Variants in TMEM71 observed in about 807,000 individuals in gnomAD.
TMEM71 encodes the protein transmembrane protein 71.
Under a neutral mutation model 38.0 loss-of-function variants are expected in TMEM71, and 44 were observed. That is an observed-to-expected ratio of 1.16 (90% CI 0.91 to 1.49). The LOEUF is 1.49. Among genes scored for constraint, TMEM71 ranks in the 40% most tolerant of loss-of-function variants. The pLI, the probability that TMEM71 is intolerant of heterozygous loss-of-function variation, is 0.00. For missense variants in TMEM71, 367 were observed against 348.6 expected (o/e 1.05, Z -0.42); for synonymous variants, 133 against 122.5 (o/e 1.09, Z -0.56).
chr8:132,768,345 T>C, the TMEM71 span, among the ~76,000 whole-genome samples: 2 of 151,700 alleles, frequency 1.3e-5, no homozygotes, highest in African/African-American at 4.9e-5. Flanking sequence ...TCTCTTTTAC[T>C]TTAAAAAATG....
chr8:132,744,542 T>C (rs1180729855), intron 5 of TMEM71, among the ~76,000 whole-genome samples: 1 of 152,074 alleles, frequency 6.6e-6, no homozygotes, highest in African/African-American at 2.4e-5. Context: ...GTGACACAAA[T>C]AAATGGAAAA....
At chr8:132,773,667 G>A in the TMEM71 span, among the ~76,000 whole-genome samples, 1 of 152,162 alleles carries the variant, frequency 6.6e-6, no homozygotes. Flanking sequence ...AGATGTGGGA[G>A]AAAAGTTTCC....
chr8:132,706,200 G>A (rs1563738433), downstream of TMEM71, among the ~76,000 whole-genome samples: 1 of 152,124 alleles, frequency 6.6e-6, no homozygotes, highest in Non-Finnish European at 1.5e-5. Flanking sequence ...TGTTGGGTAA[G>A]ACACTGAATC....
chr8:132,726,063 T>G (rs118050403), intron 6 of TMEM71, among the ~76,000 whole-genome samples: 1 of 152,166 alleles, frequency 6.6e-6, no homozygotes, highest in Non-Finnish European at 1.5e-5. Flanking sequence ...AATGACCTAG[T>G]GCTTATCTTT....
downstream of TMEM71, among the ~76,000 whole-genome samples, chr8:132,706,902 G>A (rs538048283): frequency 3.3e-5 from 5 of 152,184 alleles, no homozygotes; most frequent in South Asian, 1.0e-3. Context: ...TGTCACTCTT[G>A]ACAAAGAATA....
At position 132,717,365 on chromosome 8, in the gene TMEM71, T is replaced by C. The variant is rs534911556; in HGVS notation, c.753-3150A>G. ...TGAGAAGGGGTTAATATGCAGAATATATAAAGAATTATTTTAACTTAACAA... is the reference window on the plus strand; with the variant it reads ...TGAGAAGGGGTTAATATGCAGAATACATAAAGAATTATTTTAACTTAACAA... On this transcript the variant is annotated intron_variant, in intron 7 of 9. Transcript: ENST00000677595. Among the ~76,000 whole-genome samples, 30 of 152,356 alleles carry C rather than the reference T, an allele frequency of 2.0e-4. No homozygotes were observed. The South Asian group carries it at 6.0e-3, about 30-fold the overall frequency.
At chr8:132,722,206 C>CA in intron 6 of TMEM71, 91 bp from the exon 7 acceptor site, 2 of 828,324 alleles carry the variant, frequency 2.4e-6, no homozygotes, top group Non-Finnish European at 1.8e-6. Flanking sequence ...CCCTTGTACC[C>CA]ACCAAAAAAA....
At chr8:132,727,643 G>A (rs1827219916) in intron 6 of TMEM71, among the ~76,000 whole-genome samples, 155 bp downstream of exon 6, 1 of 152,124 alleles carries the variant, frequency 6.6e-6, no homozygotes, top group African/African-American at 2.4e-5. Flanking sequence ...CTCTGCAAAG[G>A]GTCACCTGGG....
rs572287009 is a variant in TMEM71 at position 132,718,522 on chromosome 8, C to T, written c.752+3518G>A. ...ACACCATTCTCCTGCCTCAGCCTCC[C>T]GAGTAGCTGGGACTACAGGTGCCCA... On this transcript the variant is annotated intron_variant, in intron 7 of 9. Coordinates refer to ENST00000677595, the MANE Select transcript of TMEM71 (RefSeq NM_001382403.1). Among the ~76,000 whole-genome samples the T allele has an allele frequency of 1.5e-4, 23 of 152,046 alleles. 1 individual carries two copies. The highest frequency in any genetic ancestry group is 5.1e-4 in the African/African-American group (21 of 41,464).
chr8:132,744,021 T>C (rs1473485496), intron 5 of TMEM71, among the ~76,000 whole-genome samples: 1 of 152,192 alleles, frequency 6.6e-6, no homozygotes, highest in African/African-American at 2.4e-5. Context: ...TTATATCATA[T>C]AATTTTTTTT....
intron 5 of TMEM71, among the ~76,000 whole-genome samples, chr8:132,737,023 C>T (rs1827787022): frequency 6.6e-6 from 1 of 151,998 alleles, no homozygotes; most frequent in Non-Finnish European, 1.5e-5. Context: ...CAAAATGAAA[C>T]AAAATAATGA....
intron 5 of TMEM71, among the ~76,000 whole-genome samples, chr8:132,737,462 C>T (rs770238831): frequency 1.3e-5 from 2 of 152,188 alleles, no homozygotes; most frequent in Non-Finnish European, 2.9e-5. Flanking sequence ...TCTTTTCTTT[C>T]ATAACACCAC....
chr8:132,756,494 G>A (rs1273875800), intron 3 of TMEM71, among the ~76,000 whole-genome samples: 3 of 141,518 alleles, frequency 2.1e-5, no homozygotes, highest in Non-Finnish European at 4.5e-5. Flanking sequence ...GCACCAAAAA[G>A]AAATAACCTT....
intron 5 of TMEM71, among the ~76,000 whole-genome samples, chr8:132,743,164 GT>G (rs1828143885): frequency 7.7e-6 from 1 of 129,724 alleles, no homozygotes; most frequent in Admixed American, 8.2e-5. Context: ...TTCCCCTCTT[GT>G]TGATAGGAGG....
intron 2 of TMEM71, 200 bp downstream of exon 2, chr8:132,758,640 A>C: frequency 1.9e-6 from 1 of 513,142 alleles, no homozygotes. Context: ...TTTTTCTACT[A>C]GAAGGAAAAA....
Position 132,710,860 on chromosome 8 carries a change from C to T in TMEM71, c.*107G>A, listed in dbSNP as rs760166194. 4.4e-5 allele frequency: 46 copies of T among 1,037,176 alleles called. No individual in the cohort carries two copies. The South Asian group carries it at 5.1e-4, about 12-fold the overall frequency. 64.2% of individuals were successfully genotyped at this position (1,037,176 alleles called of 1,614,324 possible). On this transcript the variant is annotated 3_prime_UTR_variant, in exon 10 of 10. Coordinates refer to ENST00000677595, the MANE Select transcript of TMEM71 (RefSeq NM_001382403.1). ...CTAAAATGGCTTTTTCTCCATTACT[C>T]GCTTACTCCCTTCCAATAAAACACT...
In TMEM71 at chr8:132,710,678, G is replaced by A; in HGVS notation, c.*289C>T. On this transcript the variant is annotated 3_prime_UTR_variant, in exon 10 of 10. Coordinates refer to ENST00000677595, the MANE Select transcript of TMEM71 (RefSeq NM_001382403.1). Reference sequence around the variant, plus strand: ...CCACTGCCTTAAAGAATCATAGGGGGACATTTATTCCAGGCGGTCTCTTTT... The same window carrying A: ...CCACTGCCTTAAAGAATCATAGGGGAACATTTATTCCAGGCGGTCTCTTTT... 1 of 540,886 alleles carries A rather than the reference G, an allele frequency of 1.8e-6. No individual in the cohort carries two copies. The highest frequency in any genetic ancestry group is 3.7e-5 in the Admixed American group (1 of 26,712). The allele number at this position is 540,886 out of a possible 1,614,324, so 33.5% of individuals were successfully genotyped here.
chr8:132,759,759 T>C (rs1482667030), intron 1 of TMEM71, among the ~76,000 whole-genome samples: 1 of 152,200 alleles, frequency 6.6e-6, no homozygotes, highest in Admixed American at 6.5e-5. Flanking sequence ...TAGCTGTAAT[T>C]CAATCAATCA....
the TMEM71 span, among the ~76,000 whole-genome samples, chr8:132,768,931 T>G: frequency 0.02 from 3,094 of 152,378 alleles, 106 homozygotes; most frequent in African/African-American, 0.072. Flanking sequence ...CCCTGCACAT[T>G]CTTCCACACT....
Sources: allele counts gnomAD v4.1 joint callset (sites outside exome capture counted in the v4.1 genomes callset), GRCh38; gene constraint gnomAD v4.1.1; transcripts MANE v1.5; gene names NCBI Gene and HGNC (gene_info 2026-07-23, HGNC 2026-07-21).